Variants in LRRC7 observed in about 807,000 individuals in gnomAD.
LRRC7 encodes the protein leucine-rich repeat-containing protein 7.
A neutral mutation model predicts 175.7 loss-of-function variants in LRRC7; 23 were observed. The ratio of observed to expected loss-of-function variants is 0.13; its 90% confidence interval spans 0.09 to 0.19. The LOEUF (loss-of-function observed/expected upper bound fraction) is 0.19, where lower values mean the gene tolerates loss of function less well. LRRC7 is among the 10% of genes least tolerant of loss of function. The pLI, the probability that LRRC7 is intolerant of heterozygous loss-of-function variation, is 1.00. For missense variants in LRRC7, 1,354 were observed against 1,904.7 expected (o/e 0.71, Z 5.38); for synonymous variants, 685 against 680.9 (o/e 1.01, Z -0.09).
At chr1:69,865,445 T>C (rs1281618350) in intron 7 of LRRC7, among the ~76,000 whole-genome samples, 1 of 139,796 alleles carries the variant, frequency 7.2e-6, no homozygotes, top group African/African-American at 2.6e-5. Context: ...AGCATCCGAA[T>C]AAGCAAGCTG....
chr1:70,042,708 C>A (rs1449406065), intron 21 of LRRC7, among the ~76,000 whole-genome samples: 3 of 152,092 alleles, frequency 2.0e-5, no homozygotes, highest in Non-Finnish European at 4.4e-5. Flanking sequence ...GAATTTTAAA[C>A]CTTAAGGAAT....
At chr1:69,872,511 A>G (rs1186729899) in intron 7 of LRRC7, among the ~76,000 whole-genome samples, 1 of 152,040 alleles carries the variant, frequency 6.6e-6, no homozygotes, top group Non-Finnish European at 1.5e-5. Context: ...GGTTACTTAA[A>G]TGATTTAATT....
chr1:70,039,322 T>A lies in LRRC7; in HGVS notation c.3498T>A (p.Phe1166Leu). The A allele has an allele frequency of 6.2e-7, 1 of 1,614,042 alleles. No individual in the cohort carries two copies. The change falls in exon 21 of 27, where the codon TTT (phenylalanine) becomes TTA (leucine). Residue 1166 changes from phenylalanine (F) to leucine (L), a missense_variant. Transcript: ENST00000651989. ...SLVSATEMAMFRRVNEPHELP... is the reference protein window; with the variant it reads ...SLVSATEMAMLRRVNEPHELP... ...TGAGCGCCACAGAAATGGCCATGTT[T>A]AGAAGGGTCAATGAGCCTCATGAGC...
At chr1:69,664,232 C>G (rs948307718) in intron 1 of LRRC7, among the ~76,000 whole-genome samples, 3 of 152,272 alleles carry the variant, frequency 2.0e-5, no homozygotes, top group Middle Eastern at 3.4e-3. Flanking sequence ...GTTTGCAAAT[C>G]TTGGCTGTTG....
At chr1:69,678,327 A>C (rs1399122052) in intron 1 of LRRC7, 54 bp from the exon 2 acceptor site, 1 of 1,270,714 alleles carries the variant, frequency 7.9e-7, no homozygotes, top group African/African-American at 1.5e-5. Context: ...TTAACTTGTA[A>C]ACATTTATCC....
chr1:70,093,883 G>T (rs1037457500), intron 25 of LRRC7, among the ~76,000 whole-genome samples: 3 of 152,136 alleles, frequency 2.0e-5, no homozygotes, highest in Admixed American at 2.0e-4. Flanking sequence ...ACAGGATGTT[G>T]TTAGAAAGAG....
At chr1:70,084,080 G>C (rs1469692305) in intron 24 of LRRC7, among the ~76,000 whole-genome samples, 1 of 152,076 alleles carries the variant, frequency 6.6e-6, no homozygotes, top group African/African-American at 2.4e-5. Flanking sequence ...ATGGTATAGT[G>C]TCCCTGCAGA....
chr1:69,681,309 T>G (rs1226695721), intron 2 of LRRC7, among the ~76,000 whole-genome samples: 1 of 152,158 alleles, frequency 6.6e-6, no homozygotes, highest in East Asian at 1.9e-4. Context: ...TAGTAGCTTT[T>G]CTGCACTAAG....
intron 25 of LRRC7, among the ~76,000 whole-genome samples, chr1:70,100,092 AGACATGTTT>A (rs1664706355): frequency 6.6e-6 from 1 of 152,174 alleles, no homozygotes; most frequent in Non-Finnish European, 1.5e-5. Flanking sequence ...CAGACATCCC[AGACATGTTT>A]AATTGTTAAA....
chr1:70,036,296 T>A, intron 19 of LRRC7, 64 bp downstream of exon 19: 4 of 1,449,182 alleles, frequency 2.8e-6, no homozygotes, highest in Non-Finnish European at 3.8e-6. Flanking sequence ...AATCGCCAGT[T>A]GTAAATTATG....
intron 8 of LRRC7, among the ~76,000 whole-genome samples, chr1:69,944,987 T>C (rs1120344): frequency 0.36 from 54,732 of 151,974 alleles, 12,105 homozygotes; most frequent in East Asian, 0.59. Flanking sequence ...TTGTTTCCTT[T>C]GACTTGCAGA....
chr1:69,772,686 G>T (rs578042178), intron 3 of LRRC7, among the ~76,000 whole-genome samples: 3 of 152,288 alleles, frequency 2.0e-5, no homozygotes, highest in Admixed American at 1.3e-4. Flanking sequence ...GTGAAGAAAA[G>T]AATTTCAGAC....
chr1:69,905,335 C>G (rs1211315597), intron 7 of LRRC7, among the ~76,000 whole-genome samples: 1 of 151,342 alleles, frequency 6.6e-6, no homozygotes, highest in African/African-American at 2.4e-5. Context: ...TATACATGTG[C>G]CATGTTGGTG....
intron 1 of LRRC7, among the ~76,000 whole-genome samples, chr1:69,622,295 A>G (rs1039348266): frequency 6.6e-6 from 1 of 152,208 alleles, no homozygotes; most frequent in African/African-American, 2.4e-5. Context: ...TTTCTTGTTC[A>G]TATGTGGCTT....
At chr1:69,867,541 T>C (rs1685076664) in intron 7 of LRRC7, among the ~76,000 whole-genome samples, 1 of 152,120 alleles carries the variant, frequency 6.6e-6, no homozygotes, top group Non-Finnish European at 1.5e-5. Flanking sequence ...GAAGCAAATC[T>C]GAGGAAGGTG....
At chr1:69,846,239 C>T (rs1389472888) in intron 7 of LRRC7, among the ~76,000 whole-genome samples, 1 of 152,026 alleles carries the variant, frequency 6.6e-6, no homozygotes, top group Non-Finnish European at 1.5e-5. Flanking sequence ...CTGAGTTCTG[C>T]CTTGTGAACG....
chr1:69,734,368 G>C (rs1318413746), intron 2 of LRRC7, among the ~76,000 whole-genome samples: 2 of 151,562 alleles, frequency 1.3e-5, no homozygotes, highest in Non-Finnish European at 1.5e-5. Flanking sequence ...GAAATACATA[G>C]CAAAGATTTT....
intron 7 of LRRC7, among the ~76,000 whole-genome samples, chr1:69,850,507 C>T (rs541845518): frequency 5.9e-5 from 9 of 152,142 alleles, no homozygotes; most frequent in African/African-American, 1.7e-4. Flanking sequence ...CACTGAAAAA[C>T]GGACACCAAT....
chr1:69,781,592 G>C (rs897748356), intron 3 of LRRC7, among the ~76,000 whole-genome samples: 1 of 150,108 alleles, frequency 6.7e-6, no homozygotes, highest in African/African-American at 2.5e-5. Context: ...TGAGGCAGGA[G>C]AATCGCTTGA....
Sources: gnomAD v4.1 joint callset for allele counts (sites outside exome capture counted in the v4.1 genomes callset) on GRCh38, gnomAD v4.1.1 for gene constraint, MANE v1.5 for transcripts, NCBI Gene and HGNC (gene_info 2026-07-23, HGNC 2026-07-21) for gene names.